The following SPOCK1 variants were observed in gnomAD, a reference collection of about 807,000 sequenced individuals.
SPOCK1 encodes the protein testican-1.
A neutral mutation model predicts 55.3 loss-of-function variants in SPOCK1; 23 were observed. The observed-to-expected ratio is 0.42, with a 90% confidence interval of 0.30 to 0.59. SPOCK1 has a LOEUF of 0.59. Ranked by LOEUF, SPOCK1 falls within the 20% of genes least tolerant of loss-of-function variation. The probability of loss-of-function intolerance (pLI) is 0.22; values close to 1 mark genes in which losing one functional copy is unlikely to be tolerated. For missense variants in SPOCK1, 499 were observed against 552.5 expected, an observed-to-expected ratio of 0.90 and a Z score of 0.97; for synonymous variants, 226 against 221.0, an observed-to-expected ratio of 1.02 and a Z score of -0.20.
chr5:137,498,552 C>T lies in SPOCK1; in HGVS notation c.7G>A (p.Ala3Thr). Residue 3 changes from alanine (A) to threonine (T), a missense_variant, in exon 2 of 11, where the codon GCG becomes ACG. Coordinates refer to ENST00000394945, the MANE Select transcript of SPOCK1 (RefSeq NM_004598.4). MP[A>T]IAVLAAAAAA... ...GCGGCCGCCGCCAACACCGCGATCG[C>T]CGGCATCTGCGGGGCAGGGCGCGCA... 2 of 1,520,262 alleles carry T rather than the reference C, an allele frequency of 1.3e-6. No individual in the cohort carries two copies. Among genetic ancestry groups the T allele is most frequent in the South Asian group, 2.5e-5 (2 of 81,142 alleles). 94.2% of individuals were successfully genotyped at this position (1,520,262 alleles called of 1,614,324 possible). A position where few individuals can be genotyped will look rare whatever the true frequency, so the allele number is the denominator to read the frequency against.
At chr5:137,244,941 C>T (rs1398123759) in intron 3 of SPOCK1, among the ~76,000 whole-genome samples, 1 of 152,196 alleles carries the variant, frequency 6.6e-6, no homozygotes, top group Admixed American at 6.5e-5. Flanking sequence ...AATTTTATTA[C>T]TTACCAATGT....
intron 2 of SPOCK1, among the ~76,000 whole-genome samples, chr5:137,366,937 T>G (rs148056169): frequency 2.6e-5 from 4 of 152,312 alleles, no homozygotes; most frequent in Admixed American, 2.6e-4. Context: ...CAACTATGGT[T>G]GCAATTTTTA....
chr5:137,326,776 G>GA (rs1241123076), intron 2 of SPOCK1, among the ~76,000 whole-genome samples: 5 of 152,152 alleles, frequency 3.3e-5, no homozygotes, highest in African/African-American at 1.2e-4. Context: ...ACCTTTCACA[G>GA]AAAAATACTA....
chr5:137,247,303 C>T (rs926806319), intron 3 of SPOCK1, among the ~76,000 whole-genome samples: 2 of 152,076 alleles, frequency 1.3e-5, no homozygotes, highest in African/African-American at 2.4e-5. Context: ...GCTGGAGGAG[C>T]TCTTCCAGGT....
intron 4 of SPOCK1, among the ~76,000 whole-genome samples, chr5:137,127,552 G>A (rs1161019270): frequency 2.0e-5 from 3 of 152,244 alleles, no homozygotes; most frequent in Admixed American, 6.5e-5. Flanking sequence ...GGTCTGGAAG[G>A]GAGTAGCTCT....
At chr5:137,051,298 A>G (rs1305471479) in intron 6 of SPOCK1, among the ~76,000 whole-genome samples, 1 of 152,228 alleles carries the variant, frequency 6.6e-6, no homozygotes, top group Non-Finnish European at 1.5e-5. Context: ...ATCTTTCCCA[A>G]ACATGAGGTA....
At chr5:137,005,403 G>GA (rs11305982) in intron 6 of SPOCK1, among the ~76,000 whole-genome samples, 2 of 151,112 alleles carry the variant, frequency 1.3e-5, no homozygotes, top group East Asian at 1.9e-4. Flanking sequence ...TCTAGGTTTT[G>GA]AAAAAAAAAG....
chr5:137,413,933 A>G (rs1307804303), intron 2 of SPOCK1, among the ~76,000 whole-genome samples: 1 of 152,152 alleles, frequency 6.6e-6, no homozygotes, highest in Non-Finnish European at 1.5e-5. Flanking sequence ...TTTAAAACAG[A>G]AATTACCCTC....
intron 2 of SPOCK1, among the ~76,000 whole-genome samples, chr5:137,289,944 A>T (rs529363517): frequency 6.6e-6 from 1 of 152,336 alleles, no homozygotes; most frequent in East Asian, 1.9e-4. Flanking sequence ...TAATGGCCAT[A>T]CCGAGCATAA....
intron 5 of SPOCK1, among the ~76,000 whole-genome samples, chr5:137,083,143 G>A (rs1291812796): frequency 2.0e-5 from 3 of 152,210 alleles, no homozygotes; most frequent in Admixed American, 6.5e-5. Context: ...GCACTGCAAA[G>A]TAATAACGAG....
intron 3 of SPOCK1, among the ~76,000 whole-genome samples, chr5:137,196,903 T>G (rs1755311039): frequency 6.6e-6 from 1 of 152,222 alleles, no homozygotes; most frequent in South Asian, 2.1e-4. Context: ...GGGCTTGCAA[T>G]AGCTGGTCTA....
rs1752638781 is a variant in SPOCK1 at position 137,072,433 on chromosome 5, G to A, written c.475-4604C>T. 2.0e-5 allele frequency among the ~76,000 whole-genome samples: 3 copies of A among 152,122 alleles called. No individual in the cohort carries two copies. In the South Asian group the frequency reaches 6.2e-4, roughly 32 times the overall value. ...GAGATGCCTGCCTGCCCTTATCACTGCAGACAGAAAAAGAAGCAAGAGCCA... is the reference window on the plus strand; with the variant it reads ...GAGATGCCTGCCTGCCCTTATCACTACAGACAGAAAAAGAAGCAAGAGCCA... On this transcript the variant is annotated intron_variant, in intron 5 of 10. Coordinates refer to ENST00000394945, the MANE Select transcript of SPOCK1 (RefSeq NM_004598.4).
chr5:137,338,084 A>G (rs1225634880), intron 2 of SPOCK1, among the ~76,000 whole-genome samples: 2 of 152,104 alleles, frequency 1.3e-5, no homozygotes, highest in Admixed American at 6.5e-5. Context: ...CAGGTTACAT[A>G]TGTATACATG....
rs73790699 is a variant in SPOCK1, at chr5:137,142,851, T to C, written c.233-2157A>G. ...CTGGTGCAGTCTCAGCCCAGTGCAC[T>C]GCCGCCCACGCCAACCCTGGGGCTG... is the stretch of plus-strand genomic sequence containing the variant. On this transcript the variant is annotated intron_variant, in intron 3 of 10. Coordinates refer to ENST00000394945, the MANE Select transcript of SPOCK1 (RefSeq NM_004598.4). 4.3e-3 allele frequency among the ~76,000 whole-genome samples: 651 copies of C among 152,332 alleles called. 2 individuals carry two copies. The highest frequency in any genetic ancestry group is 0.013 in the African/African-American group (536 of 41,566).
chr5:137,366,762 G>A (rs944954440), intron 2 of SPOCK1, among the ~76,000 whole-genome samples: 1 of 152,198 alleles, frequency 6.6e-6, no homozygotes, highest in Non-Finnish European at 1.5e-5. Flanking sequence ...TGCGGCAAGG[G>A]AGTCTCTCAC....
chr5:137,450,292 C>T (rs547667088), intron 2 of SPOCK1, among the ~76,000 whole-genome samples: 6 of 152,150 alleles, frequency 3.9e-5, no homozygotes, highest in Non-Finnish European at 7.4e-5. Flanking sequence ...AGGTGTTAAC[C>T]CACTGGGATA....
chr5:136,993,991 C>T (rs564906124), intron 6 of SPOCK1, among the ~76,000 whole-genome samples: 2 of 152,308 alleles, frequency 1.3e-5, no homozygotes, highest in East Asian at 3.9e-4. Context: ...ATCAGGCAAG[C>T]CCATTTCTCA....
intron 2 of SPOCK1, among the ~76,000 whole-genome samples, chr5:137,338,859 T>C (rs972286872): frequency 4.6e-5 from 7 of 152,216 alleles, no homozygotes; most frequent in Admixed American, 4.6e-4. Context: ...CACTTTTTGA[T>C]GGGGTTGTTT....
At chr5:137,136,712 G>T (rs2127048751) in intron 4 of SPOCK1, among the ~76,000 whole-genome samples, 1 of 152,140 alleles carries the variant, frequency 6.6e-6, no homozygotes, top group Admixed American at 6.5e-5. Flanking sequence ...TTTTAAAGTA[G>T]CTTAAGAGAA....
Sources: gnomAD v4.1 joint callset for allele counts (sites outside exome capture counted in the v4.1 genomes callset) on GRCh38, gnomAD v4.1.1 for gene constraint, MANE v1.5 for transcripts, NCBI Gene and HGNC (gene_info 2026-07-23, HGNC 2026-07-21) for gene names.